Variants in CCNA2 observed in about 807,000 individuals in gnomAD.
CCNA2 encodes cyclin-A2.
A neutral mutation model predicts 49.4 loss-of-function variants in CCNA2; 3 were observed. The observed-to-expected ratio is 0.06, with a 90% CI of 0.03 to 0.16. The LOEUF (loss-of-function observed/expected upper bound fraction) is 0.16. CCNA2 is among the 10% of genes least tolerant of loss of function. The pLI, the probability that CCNA2 is intolerant of heterozygous loss-of-function variation, is 1.00. For synonymous variants in CCNA2, 206 were observed against 197.2 expected (o/e 1.04, Z -0.37); for missense variants, 372 against 519.7 (o/e 0.72, Z 2.76).
At chr4:121,822,299 C>CTA in intron 2 of CCNA2, 104 bp downstream of exon 2, 2 of 1,140,830 alleles carry the variant, frequency 1.8e-6, no homozygotes, top group South Asian at 1.6e-5. Context: ...ACCTAACTCA[C>CTA]TATAGTCAAA....
intron 2 of CCNA2, among the ~76,000 whole-genome samples, chr4:121,822,147 A>C (rs1318713290): frequency 1.3e-5 from 2 of 152,244 alleles, no homozygotes; most frequent in Non-Finnish European, 2.9e-5. Flanking sequence ...TAAGCATTTA[A>C]GATCTAATTA....
chr4:121,816,637 T>A lies in CCNA2; in HGVS notation c.*1001A>T. On this transcript the variant is annotated 3_prime_UTR_variant, in exon 8 of 8. Transcript: ENST00000274026. ...AAAATTAGGACCTAAATCTATAATA[T>A]AAACTTCTTGGATGCCAGTCTTACT... is the stretch of plus-strand genomic sequence containing the variant. The A allele has an allele frequency of 1.1e-6, 1 of 947,676 alleles. No individual in the cohort carries two copies. The highest frequency in any genetic ancestry group is 1.5e-6 in the Non-Finnish European group (1 of 658,618). 58.7% of individuals were successfully genotyped at this position (947,676 alleles called of 1,614,324 possible).
rs758257071 is a variant in CCNA2, at chr4:121,820,587, C to T, written c.749G>A (p.Arg250Lys). 5.0e-6 allele frequency: 8 copies of T among 1,614,146 alleles called. No individual in the cohort carries two copies. The highest frequency in any genetic ancestry group is 6.8e-6 in the Non-Finnish European group (8 of 1,180,004). Residue 250 changes from arginine to lysine, a missense_variant, in exon 4 of 8, where the codon AGA becomes AAA. Physicochemically the swap from Arg to Lys is conservative, Grantham distance 26. Transcript: ENST00000274026. The surrounding 1 kb of genome is among the most constrained non-coding windows in gnomAD (Gnocchi z 4.1). Reference sequence around the variant, plus strand: ...AGTGCCCACAAGCTGAAGTTTTCCTCTCAGCACTGACATGGAAGACAGGAA... The same window carrying T: ...AGTGCCCACAAGCTGAAGTTTTCCTTTCAGCACTGACATGGAAGACAGGAA... The part of the protein sequence containing the change: ...DRFLSSMSVL[R>K]GKLQLVGTAA...
At position 121,823,644 on chromosome 4, in the gene CCNA2, T is replaced by A; in HGVS notation, c.-16A>T. On this transcript the variant is annotated 5_prime_UTR_variant, in exon 1 of 8. Coordinates refer to ENST00000274026, the MANE Select transcript of CCNA2 (RefSeq NM_001237.5). ...TGCCCAACATCACTGCTCCCGGGAG[T>A]GGACGGCGGGATCAGCCTGCGGCGC... 1 of 1,559,958 alleles carries A rather than the reference T, an allele frequency of 6.4e-7. No individual in the cohort carries two copies. The highest frequency in any genetic ancestry group is 1.3e-5 in the African/African-American group (1 of 74,184).
chr4:121,816,653 C>A lies in CCNA2; in HGVS notation c.*985G>T. On this transcript the variant is annotated 3_prime_UTR_variant, in exon 8 of 8. Transcript: ENST00000274026. ...TCTATAATATAAACTTCTTGGATGC[C>A]AGTCTTACTCATAGCTGACACATTT... The A allele has an allele frequency of 9.8e-7, 1 of 1,016,704 alleles. No homozygotes were observed. Among genetic ancestry groups the A allele is most frequent in the South Asian group, 2.0e-5 (1 of 49,682 alleles). The allele number at this position is 1,016,704 out of a possible 1,614,324, so 63.0% of individuals were successfully genotyped here.
intron 2 of CCNA2, among the ~76,000 whole-genome samples, chr4:121,821,443 TG>T (rs1317928692): frequency 6.6e-6 from 1 of 152,178 alleles, no homozygotes; most frequent in East Asian, 1.9e-4. Flanking sequence ...ATCCAAGTTT[TG>T]AGATAATATC....
At chr4:121,823,394 C>A (rs2149043650) in intron 1 of CCNA2, 22 bp downstream of exon 1, 4 of 1,599,840 alleles carry the variant, frequency 2.5e-6, no homozygotes, top group Non-Finnish European at 3.4e-6. Context: ...CACCCTCCTG[C>A]AGATATCCCG....
rs1724714200 is a variant in CCNA2, at chr4:121,822,554, A to G, written c.306T>C (p.His102=). 1 of 1,614,100 alleles carries G rather than the reference A, an allele frequency of 6.2e-7. No individual in the cohort carries two copies. Among genetic ancestry groups the G allele is most frequent in the Non-Finnish European group, 8.5e-7 (1 of 1,180,012 alleles). ...GAGCTTCTTTTTCTGCTTCATCCAC[A>G]TGAATGGTGAACGCAGGCTGTTTAC... ...ANSKQPAFTI[H]VDEAEKEAQK... The change falls in exon 2 of 8, where the codon CAT becomes CAC. Residue 102 remains histidine (H), a synonymous_variant. Coordinates refer to ENST00000274026, the MANE Select transcript of CCNA2 (RefSeq NM_001237.5).
In CCNA2 at chr4:121,818,141, C is replaced by G. The variant is rs147182750; in HGVS notation, c.1153G>C (p.Glu385Gln). 2.5e-6 allele frequency: 4 copies of G among 1,613,464 alleles called. No homozygotes were observed. Among genetic ancestry groups the G allele is most frequent in the African/African-American group, 1.3e-5 (1 of 74,872 alleles). Reference sequence around the variant, plus strand: ...TCCATGAGACAAGGCTTAAGACTTTCCAGGGTATATCCAGTCTTTCGTATT... The same window carrying G: ...TCCATGAGACAAGGCTTAAGACTTTGCAGGGTATATCCAGTCTTTCGTATT... ...SLIRKTGYTL[E>Q]SLKPCLMDLH... The change falls in exon 7 of 8, where the codon GAA becomes CAA. Residue 385 changes from glutamate (E) to glutamine (Q), a missense_variant. Around this residue, in one of 2 missense-constraint regions of CCNA2, gnomAD observed 155 missense variants for 288.1 expected, o/e 0.54. Coordinates refer to ENST00000274026, the MANE Select transcript of CCNA2 (RefSeq NM_001237.5).
rs1023112000 is a variant in CCNA2 at position 121,820,122 on chromosome 4, G to C, written c.794+420C>G. Among the ~76,000 whole-genome samples the C allele has an allele frequency of 6.6e-6, 1 of 151,764 alleles. No homozygotes were observed. Among genetic ancestry groups the C allele is most frequent in the Non-Finnish European group, 1.5e-5 (1 of 67,918 alleles). The stretch of plus-strand genomic sequence containing the variant: ...TGCCCAGCTAATTTTTGTATTTTTA[G>C]TAGAGACAGGGTTTCGCCATGATGG... On this transcript the variant is annotated intron_variant, in intron 4 of 7. Transcript: ENST00000274026. This position sits in a 1 kb window ranked among gnomAD's most constrained non-coding sequence, Gnocchi z 4.1.
At position 121,820,501 on chromosome 4, in the gene CCNA2, A is replaced by C. The variant is rs752387878; in HGVS notation, c.794+41T>G. 1 of 1,422,580 alleles carries C rather than the reference A, an allele frequency of 7.0e-7. No individual in the cohort carries two copies. The allele number at this position is 1,422,580 out of a possible 1,614,324, so 88.1% of individuals were successfully genotyped here. On this transcript the variant is annotated intron_variant, in intron 4 of 7. Coordinates refer to ENST00000274026, the MANE Select transcript of CCNA2 (RefSeq NM_001237.5). The surrounding 1 kb of genome is among the most constrained non-coding windows in gnomAD (Gnocchi z 4.1). Reference sequence around the variant, plus strand: ...AAAAAATCAATTTCTTCCCTAGACAAAAGGTCGTGATCACTTTTAAACAAA... The same window carrying C: ...AAAAAATCAATTTCTTCCCTAGACACAAGGTCGTGATCACTTTTAAACAAA...
rs369469569 is a variant in CCNA2 at position 121,818,932 on chromosome 4, T to C, written c.1003-19A>G. 1.0e-4 allele frequency: 150 copies of C among 1,461,750 alleles called. No homozygotes were observed. In the African/African-American group the frequency reaches 1.7e-3, roughly 17 times the overall value. 90.5% of individuals were successfully genotyped at this position (1,461,750 alleles called of 1,614,324 possible). Reference sequence around the variant, plus strand: ...CCAAAAACTGGAATAAAAAATACTTTATGATCACAAGAGCGTTTAGAATTC... The same window carrying C: ...CCAAAAACTGGAATAAAAAATACTTCATGATCACAAGAGCGTTTAGAATTC... On this transcript the variant is annotated intron_variant, in intron 5 of 7. Transcript: ENST00000274026.
chr4:121,819,338 G>C (rs189692113), intron 5 of CCNA2, 34 bp downstream of exon 5: 2 of 1,526,102 alleles, frequency 1.3e-6, no homozygotes, highest in Non-Finnish European at 1.8e-6. Flanking sequence ...TATTACCAAA[G>C]AATCACCATT....
chr4:121,816,672 CACATTT>C lies in CCNA2; in HGVS notation c.*960_*965del. ...GGATGCCAGTCTTACTCATAGCTGA[CACATTT>C]TAGATCCTACTGGAAAACTAAGAAA... On this transcript the variant is annotated 3_prime_UTR_variant, in exon 8 of 8. Coordinates refer to ENST00000274026, the MANE Select transcript of CCNA2 (RefSeq NM_001237.5). 4 of 1,217,368 alleles carry C rather than the reference CACATTT, an allele frequency of 3.3e-6. No individual in the cohort carries two copies. In the South Asian group the frequency reaches 6.9e-5, roughly 21 times the overall value. The allele number at this position is 1,217,368 out of a possible 1,614,324, so 75.4% of individuals were successfully genotyped here.
Position 121,820,815 on chromosome 4 carries a change from G to A in CCNA2, c.571-50C>T. ...TTAAAATTATTCTAGTGTAAAAACT[G>A]CAATTAGATTATTTTACCATTAATT... On this transcript the variant is annotated intron_variant, in intron 3 of 7. Coordinates refer to ENST00000274026, the MANE Select transcript of CCNA2 (RefSeq NM_001237.5). This position sits in a 1 kb window ranked among gnomAD's most constrained non-coding sequence, Gnocchi z 4.1. 1 of 1,354,726 alleles carries A rather than the reference G, an allele frequency of 7.4e-7. No homozygotes were observed. The highest frequency in any genetic ancestry group is 1.0e-6 in the Non-Finnish European group (1 of 961,810). 83.9% of individuals were successfully genotyped at this position (1,354,726 alleles called of 1,614,324 possible).
Position 121,818,174 on chromosome 4 carries a change from C to G in CCNA2, c.1120G>C (p.Glu374Gln), listed in dbSNP as rs140420596. The change falls in exon 7 of 8, where the codon GAA becomes CAA. Residue 374 changes from glutamate to glutamine, a missense_variant. This residue lies in a region of CCNA2 where 155 missense variants were observed against 288.1 expected (regional missense o/e 0.54). Coordinates refer to ENST00000274026, the MANE Select transcript of CCNA2 (RefSeq NM_001237.5). ...TATCCAGTCTTTCGTATTAATGATT[C>G]AGGCTACAGAGAAGGGAATAGAGAA... Reference protein sequence around the residue: ...LYTVTGQSWPESLIRKTGYTL... With the variant: ...LYTVTGQSWPQSLIRKTGYTL... 51 of 1,612,272 alleles carry G rather than the reference C, an allele frequency of 3.2e-5. No individual in the cohort carries two copies. Among genetic ancestry groups the G allele is most frequent in the Non-Finnish European group, 4.1e-5 (48 of 1,179,426 alleles).
chr4:121,822,362 A>C, intron 2 of CCNA2, 41 bp downstream of exon 2: 1 of 1,577,816 alleles, frequency 6.3e-7, no homozygotes, highest in Non-Finnish European at 8.7e-7. Context: ...TCTAATAATT[A>C]TAATTACCGT....
intron 4 of CCNA2, among the ~76,000 whole-genome samples, chr4:121,819,939 CTTTT>C (rs796750946): frequency 5.9e-5 from 8 of 135,080 alleles, no homozygotes; most frequent in African/African-American, 1.6e-4. Context: ...GTTTTTCTTT[CTTTT>C]TTTTTTTTTT....
At position 121,820,890 on chromosome 4, in the gene CCNA2, T is replaced by C. The variant is rs1724675567; in HGVS notation, c.570+89A>G. The C allele has an allele frequency of 7.7e-7, 1 of 1,297,174 alleles. No individual in the cohort carries two copies. Among genetic ancestry groups the C allele is most frequent in the South Asian group, 1.3e-5 (1 of 75,958 alleles). 80.4% of individuals were successfully genotyped at this position (1,297,174 alleles called of 1,614,324 possible). A position where few individuals can be genotyped will look rare whatever the true frequency, so the allele number is the denominator to read the frequency against. Reference sequence around the variant, plus strand: ...TAACTGTAGCATTAGAATAATTCATTAGTTTAAAAATTTAAACATTATCCT... The same window carrying C: ...TAACTGTAGCATTAGAATAATTCATCAGTTTAAAAATTTAAACATTATCCT... On this transcript the variant is annotated intron_variant, in intron 3 of 7. Transcript: ENST00000274026. This position sits in a 1 kb window ranked among gnomAD's most constrained non-coding sequence, Gnocchi z 4.1.
Sources: allele counts gnomAD v4.1 joint callset (sites outside exome capture counted in the v4.1 genomes callset), GRCh38; gene constraint gnomAD v4.1.1; regional missense constraint gnomAD v4.1.1; non-coding constraint Gnocchi (gnomAD v3.1); transcripts MANE v1.5; gene names NCBI Gene and HGNC (gene_info 2026-07-23, HGNC 2026-07-21).